The following FAM110B variants were observed in gnomAD, a reference collection of about 807,000 sequenced individuals.
FAM110B encodes the protein protein FAM110B.
In FAM110B, 6 loss-of-function variants were observed where a neutral mutation model predicts 20.4. That is an observed-to-expected ratio of 0.29 (90% confidence interval 0.16 to 0.58). The LOEUF (loss-of-function observed/expected upper bound fraction) is 0.58. Ranked by LOEUF, FAM110B falls within the 20% of genes least tolerant of loss-of-function variation. FAM110B has a pLI of 0.90. For synonymous variants in FAM110B, 226 were observed against 214.1 expected, an observed-to-expected ratio of 1.06 and a Z score of -0.49; for missense variants, 434 against 498.2, an observed-to-expected ratio of 0.87 and a Z score of 1.23.
chr8:58,012,266 T>TG lies in FAM110B; in HGVS notation c.-512+17460_-512+17461insG, dbSNP rs1430512535. Among the ~76,000 whole-genome samples, 15 of 152,258 alleles carry TG rather than the reference T, an allele frequency of 9.9e-5. 1 individual carries two copies. The South Asian group carries it at 2.3e-3, about 23-fold the overall frequency. ...TAATTTTCTGTTTTCCTGATTTTTTTTTGTTGTTGAAATATCTCACATATT... is the reference window on the plus strand; with the variant it reads ...TAATTTTCTGTTTTCCTGATTTTTTTGTTGTTGTTGAAATATCTCACATATT... On this transcript the variant is annotated intron_variant, in intron 1 of 3. Coordinates refer to ENST00000519262, the MANE Select transcript of FAM110B (RefSeq NM_001377989.1).
At chr8:58,122,270 C>G (rs979094045) in intron 3 of FAM110B, among the ~76,000 whole-genome samples, 1 of 152,104 alleles carries the variant, frequency 6.6e-6, no homozygotes, top group Non-Finnish European at 1.5e-5. Flanking sequence ...CTCTGGTGCT[C>G]TGGAATTTTA....
intron 3 of FAM110B, among the ~76,000 whole-genome samples, chr8:58,139,354 T>TGG (rs1563383553): frequency 6.6e-6 from 1 of 152,138 alleles, no homozygotes; most frequent in Admixed American, 6.5e-5. Flanking sequence ...GATTTCACCA[T>TGG]GGAGATAAGA....
intron 3 of FAM110B, among the ~76,000 whole-genome samples, chr8:58,120,390 TC>T (rs140322624): frequency 0.023 from 3,483 of 152,248 alleles, 134 homozygotes; most frequent in African/African-American, 0.08. Flanking sequence ...GTCTTCCTGA[TC>T]CAGCCCCTCT....
At chr8:58,057,687 C>T (rs578019288) in intron 2 of FAM110B, among the ~76,000 whole-genome samples, 1 of 152,292 alleles carries the variant, frequency 6.6e-6, no homozygotes, top group South Asian at 2.1e-4. Flanking sequence ...AGCATGCTCC[C>T]AATTCTACCT....
At chr8:58,071,058 C>T (rs1805885979) in intron 2 of FAM110B, among the ~76,000 whole-genome samples, 1 of 152,042 alleles carries the variant, frequency 6.6e-6, no homozygotes, top group Non-Finnish European at 1.5e-5. Flanking sequence ...GAAACGAAGT[C>T]GCAGGAAGGT....
chr8:58,073,794 A>C (rs1004668084), intron 2 of FAM110B, among the ~76,000 whole-genome samples: 6 of 152,258 alleles, frequency 3.9e-5, no homozygotes, highest in Admixed American at 1.3e-4. Flanking sequence ...ACAAGCTTGT[A>C]AAATTTGAGA....
chr8:58,017,843 G>T (rs1804670472), intron 1 of FAM110B, among the ~76,000 whole-genome samples: 1 of 152,164 alleles, frequency 6.6e-6, no homozygotes, highest in Non-Finnish European at 1.5e-5. Context: ...CAAAAGCTGA[G>T]AAATACCTGA....
At chr8:58,040,115 G>T (rs922247505) in intron 2 of FAM110B, among the ~76,000 whole-genome samples, 1 of 151,884 alleles carries the variant, frequency 6.6e-6, no homozygotes, top group African/African-American at 2.4e-5. Flanking sequence ...GCCTCCCAAA[G>T]CACTGGAATT....
chr8:58,125,516 A>G (rs758099748), intron 3 of FAM110B, among the ~76,000 whole-genome samples: 16 of 152,318 alleles, frequency 1.1e-4, no homozygotes, highest in Non-Finnish European at 1.6e-4. Context: ...ATTTTAATCC[A>G]TGGCATATTC....
At chr8:58,001,570 T>C (rs1804297010) in intron 1 of FAM110B, among the ~76,000 whole-genome samples, 1 of 152,214 alleles carries the variant, frequency 6.6e-6, no homozygotes, top group Non-Finnish European at 1.5e-5. Context: ...GATCGAACTG[T>C]TTTGATTGTT....
rs571662477 is a variant in FAM110B at position 58,065,457 on chromosome 8, A to G, written c.-413-10078A>G. 1.1e-4 allele frequency among the ~76,000 whole-genome samples: 17 copies of G among 152,332 alleles called. No individual in the cohort carries two copies. The East Asian group carries it at 3.1e-3, about 28-fold the overall frequency. The stretch of plus-strand genomic sequence containing the variant: ...TTTCATAACCTAGAGGATGCCTATT[A>G]ACATCCGAAAACATGGTATGATTTG... On this transcript the variant is annotated intron_variant, in intron 2 of 3. Coordinates refer to ENST00000519262, the MANE Select transcript of FAM110B (RefSeq NM_001377989.1).
intron 3 of FAM110B, among the ~76,000 whole-genome samples, chr8:58,094,403 A>T (rs1806568118): frequency 6.6e-6 from 1 of 152,152 alleles, no homozygotes; most frequent in African/African-American, 2.4e-5. Flanking sequence ...AATAGCTCTT[A>T]TTATTTTGAG....
At chr8:58,030,108 A>G (rs898917526) in intron 1 of FAM110B, among the ~76,000 whole-genome samples, 5 of 152,228 alleles carry the variant, frequency 3.3e-5, no homozygotes, top group African/African-American at 1.2e-4. Context: ...TCAAATTAAT[A>G]TGGGCCCAAA....
chr8:58,124,163 T>C (rs1807434196), intron 3 of FAM110B, among the ~76,000 whole-genome samples: 1 of 152,194 alleles, frequency 6.6e-6, no homozygotes, highest in African/African-American at 2.4e-5. Flanking sequence ...TGAATTAGGA[T>C]TGGGCTCTAT....
intron 2 of FAM110B, among the ~76,000 whole-genome samples, chr8:58,055,668 G>A (rs982478946): frequency 6.6e-6 from 1 of 152,156 alleles, no homozygotes; most frequent in African/African-American, 2.4e-5. Context: ...TAAGGTGCAC[G>A]GGCCTTGTTG....
At chr8:58,121,549 G>A (rs1419971197) in intron 3 of FAM110B, among the ~76,000 whole-genome samples, 4 of 152,250 alleles carry the variant, frequency 2.6e-5, no homozygotes, top group South Asian at 2.1e-4. Flanking sequence ...ATTATATAAC[G>A]TTGGGAGTCT....
intron 3 of FAM110B, chr8:58,100,965 A>T: frequency 6.6e-6 from 1 of 152,150 alleles, no homozygotes; most frequent in Non-Finnish European, 1.5e-5. Flanking sequence ...CGAGGTCAGG[A>T]GATCGAGACC....
intron 2 of FAM110B, among the ~76,000 whole-genome samples, chr8:58,066,328 G>C (rs1283934178): frequency 6.6e-6 from 1 of 152,166 alleles, no homozygotes; most frequent in Non-Finnish European, 1.5e-5. Flanking sequence ...CTCGGTGTTC[G>C]GGGCTGATGC....
At chr8:58,039,969 T>C (rs1805176191) in intron 2 of FAM110B, among the ~76,000 whole-genome samples, 1 of 151,842 alleles carries the variant, frequency 6.6e-6, no homozygotes, top group African/African-American at 2.4e-5. Flanking sequence ...ATTTAAAATT[T>C]TTTTAATTAA....
Sources: allele counts gnomAD v4.1 joint callset (sites outside exome capture counted in the v4.1 genomes callset), GRCh38; gene constraint gnomAD v4.1.1; transcripts MANE v1.5; gene names NCBI Gene and HGNC (gene_info 2026-07-23, HGNC 2026-07-21).